Variants in UNC5D observed in about 807,000 individuals in gnomAD.
UNC5D encodes the protein unc-5 netrin receptor D.
A neutral mutation model predicts 105.4 loss-of-function variants in UNC5D; 39 were observed. The ratio of observed to expected loss-of-function variants is 0.37; its 90% CI spans 0.29 to 0.48. The LOEUF is 0.48. UNC5D is among the 20% of genes least tolerant of loss of function. The pLI is 0.98. For missense variants in UNC5D, 991 were observed against 1,202.4 expected (o/e 0.82, Z 2.60); for synonymous variants, 452 against 450.4 (o/e 1.00, Z -0.04).
chr8:35,404,971 C>T (rs867727758), intron 1 of UNC5D, among the ~76,000 whole-genome samples: 9 of 152,190 alleles, frequency 5.9e-5, no homozygotes, highest in Non-Finnish European at 7.4e-5. Context: ...TTAAGTTAGA[C>T]GCTATACTTC....
intron 4 of UNC5D, among the ~76,000 whole-genome samples, chr8:35,609,273 T>C (rs1351720431): frequency 1.3e-5 from 2 of 152,326 alleles, no homozygotes; most frequent in East Asian, 3.9e-4. Flanking sequence ...TATAACATCA[T>C]CTTAATGTGG....
intron 1 of UNC5D, among the ~76,000 whole-genome samples, chr8:35,527,373 T>TA (rs1395974758): frequency 6.6e-6 from 1 of 152,162 alleles, no homozygotes; most frequent in African/African-American, 2.4e-5. Flanking sequence ...CCGAGTGGCT[T>TA]AAACAAGAGA....
At chr8:35,521,542 G>A (rs1251674580) in intron 1 of UNC5D, among the ~76,000 whole-genome samples, 2 of 152,146 alleles carry the variant, frequency 1.3e-5, no homozygotes, top group Non-Finnish European at 1.5e-5. Flanking sequence ...ATGTAGAAGT[G>A]CATAAATTAA....
rs557912386 is a variant in UNC5D at position 35,789,927 on chromosome 8, C to T, written c.2658-432C>T. Reference sequence around the variant, plus strand: ...ACACACACACACACACACACACACACACACAGAGTTCAAGGAAAGTGAGGA... The same window carrying T: ...ACACACACACACACACACACACACATACACAGAGTTCAAGGAAAGTGAGGA... On this transcript the variant is annotated intron_variant, in intron 16 of 16. Transcript: ENST00000404895. Among the ~76,000 whole-genome samples the T allele has an allele frequency of 6.0e-5, 9 of 151,142 alleles. No individual in the cohort carries two copies. In the South Asian group the frequency reaches 1.5e-3, roughly 25 times the overall value.
chr8:35,335,034 GAAT>G (rs912148221), intron 1 of UNC5D, among the ~76,000 whole-genome samples: 5 of 152,120 alleles, frequency 3.3e-5, no homozygotes, highest in African/African-American at 4.8e-5. Context: ...CATGTAAATA[GAAT>G]AATAATATAT....
At chr8:35,641,026 T>A (rs1158143132) in intron 4 of UNC5D, among the ~76,000 whole-genome samples, 1 of 152,018 alleles carries the variant, frequency 6.6e-6, no homozygotes. Flanking sequence ...GACAGCTTTT[T>A]TAGAGATAAG....
intron 1 of UNC5D, among the ~76,000 whole-genome samples, chr8:35,246,576 T>C (rs943368872): frequency 6.6e-6 from 1 of 152,082 alleles, no homozygotes; most frequent in African/African-American, 2.4e-5. Context: ...CTAGATTGAC[T>C]TCTTTCTTTT....
chr8:35,521,577 C>T (rs1164639365), intron 1 of UNC5D, among the ~76,000 whole-genome samples: 3 of 152,118 alleles, frequency 2.0e-5, no homozygotes, highest in Admixed American at 1.3e-4. Flanking sequence ...CAGGAGTCCT[C>T]AAAATGCTGA....
intron 1 of UNC5D, among the ~76,000 whole-genome samples, chr8:35,498,111 A>AAAAAG (rs1811729476): frequency 7.2e-6 from 1 of 139,690 alleles, no homozygotes; most frequent in Non-Finnish European, 1.5e-5. Context: ...AAAAAAAAAA[A>AAAAAG]GCGGGGGAGA....
intron 15 of UNC5D, among the ~76,000 whole-genome samples, chr8:35,772,444 C>T (rs529272261): frequency 1.6e-4 from 25 of 152,226 alleles, no homozygotes; most frequent in Non-Finnish European, 3.1e-4. Flanking sequence ...TATGTGAGCC[C>T]GGCTGCTAGC....
chr8:35,305,781 CCT>C (rs1491443414), intron 1 of UNC5D, among the ~76,000 whole-genome samples: 3 of 146,652 alleles, frequency 2.0e-5, no homozygotes, highest in South Asian at 2.2e-4. Flanking sequence ...TCACTCTCTG[CCT>C]CTTTCTTTCT....
At chr8:35,435,088 G>T (rs533189663) in intron 1 of UNC5D, among the ~76,000 whole-genome samples, 1 of 152,144 alleles carries the variant, frequency 6.6e-6, no homozygotes, top group South Asian at 2.1e-4. Flanking sequence ...TTTCTGAAGA[G>T]GGTTCACTGA....
At chr8:35,642,706 A>G (rs1822816201) in intron 4 of UNC5D, among the ~76,000 whole-genome samples, 1 of 152,090 alleles carries the variant, frequency 6.6e-6, no homozygotes, top group Admixed American at 6.6e-5. Context: ...GGCTTTTGCT[A>G]AATTTAATTA....
At position 35,683,685 on chromosome 8, in the gene UNC5D, G is replaced by T; in HGVS notation, c.709G>T (p.Val237Leu). ...GNYTCMAANI[V>L]AKRRSLSATV... ...TTACACCTGCATGGCAGCCAACATC[G>T]TGGCTAAGAGGAGAAGCCTGTCGGC... The change falls in exon 5 of 17, where the codon GTG (valine) becomes TTG (leucine). Residue 237 changes from valine (V) to leucine (L), a missense_variant. This residue lies in a region of UNC5D where 944 missense variants were observed against 1,131.6 expected (regional missense o/e 0.83). Transcript: ENST00000404895. The T allele has an allele frequency of 6.4e-7, 1 of 1,559,994 alleles. No homozygotes were observed. The highest frequency in any genetic ancestry group is 8.6e-7 in the Non-Finnish European group (1 of 1,161,554).
Position 35,795,196 on chromosome 8 carries a change from T to C in UNC5D, c.*4633T>C, listed in dbSNP as rs1376062557. On this transcript the variant is annotated 3_prime_UTR_variant, in exon 17 of 17. Transcript: ENST00000404895. ...AGCAGGGCCCCATCTTACTTATTTT[T>C]CAAAAAAGTTATAGCTTTGAATTAT... 1.3e-5 allele frequency: 2 copies of C among 152,094 alleles called. No individual in the cohort carries two copies. The highest frequency in any genetic ancestry group is 6.6e-5 in the Admixed American group (1 of 15,262). 9.4% of individuals were successfully genotyped at this position (152,094 alleles called of 1,614,324 possible). A position where few individuals can be genotyped will look rare whatever the true frequency, so the allele number is the denominator to read the frequency against.
At chr8:35,691,906 T>C (rs1826425367) in intron 7 of UNC5D, among the ~76,000 whole-genome samples, 1 of 152,150 alleles carries the variant, frequency 6.6e-6, no homozygotes, top group Non-Finnish European at 1.5e-5. Context: ...GATATAAAAC[T>C]AAGGGCATTG....
chr8:35,525,449 G>C, intron 1 of UNC5D: 1 of 1,612,196 alleles, frequency 6.2e-7, no homozygotes, highest in Non-Finnish European at 8.5e-7. Context: ...CACCAGCACT[G>C]ATTGCATAGG....
intron 4 of UNC5D, among the ~76,000 whole-genome samples, chr8:35,643,591 G>T (rs1674373912): frequency 6.6e-6 from 1 of 152,104 alleles, no homozygotes; most frequent in African/African-American, 2.4e-5. Flanking sequence ...TATTAGTCCG[G>T]CTGATCTCGA....
chr8:35,723,701 G>T (rs1828710578), intron 9 of UNC5D, among the ~76,000 whole-genome samples: 1 of 152,030 alleles, frequency 6.6e-6, no homozygotes, highest in African/African-American at 2.4e-5. Flanking sequence ...TACTGGGTCT[G>T]GTCAAGAACT....
Sources: allele counts gnomAD v4.1 joint callset (sites outside exome capture counted in the v4.1 genomes callset), GRCh38; gene constraint gnomAD v4.1.1; regional missense constraint gnomAD v4.1.1; transcripts MANE v1.5; gene names NCBI Gene and HGNC (gene_info 2026-07-23, HGNC 2026-07-21).